The following PHACTR2 variants were observed in gnomAD, a reference collection of about 807,000 sequenced individuals.
PHACTR2 encodes the protein chromosome 6 open reading frame 56.
In PHACTR2, 30 loss-of-function variants were observed where a neutral mutation model predicts 76.0. The observed-to-expected ratio is 0.39, with a 90% CI of 0.30 to 0.54. The LOEUF is 0.54. Ranked by LOEUF, PHACTR2 falls within the 20% of genes least tolerant of loss-of-function variation. The pLI is 0.61. For missense variants in PHACTR2, 696 were observed against 781.1 expected (o/e 0.89, Z 1.30); for synonymous variants, 292 against 292.5 (o/e 1.00, Z 0.02).
chr6:143,723,545 C>T (rs1195118899), intron 2 of PHACTR2, among the ~76,000 whole-genome samples: 3 of 152,310 alleles, frequency 2.0e-5, no homozygotes, highest in African/African-American at 7.2e-5. Context: ...ATGAATCCTC[C>T]TTGTCATCCA....
rs917388613 is a variant in PHACTR2 at position 143,782,938 on chromosome 6, TACA to T, written c.1646-276_1646-274del. 1.5e-4 allele frequency among the ~76,000 whole-genome samples: 23 copies of T among 151,580 alleles called. No homozygotes were observed. The highest frequency in any genetic ancestry group is 5.3e-4 in the African/African-American group (22 of 41,260). On this transcript the variant is annotated intron_variant, in intron 9 of 12. Coordinates refer to ENST00000440869, the MANE Select transcript of PHACTR2 (RefSeq NM_001100164.2). The surrounding 1 kb of genome is among the most constrained non-coding windows in gnomAD (Gnocchi z 4.6). ...GGCACTCCTGTGGTTTTTTTAAGAA[TACA>T]ACAAGACATCAGGAAGCAAAAACGT...
At position 143,695,995 on chromosome 6, in the gene PHACTR2, C is replaced by A. The variant is rs941739761; in HGVS notation, c.47-16021C>A. On this transcript the variant is annotated intron_variant, in intron 1 of 12. Transcript: ENST00000440869. This position sits in a 1 kb window ranked among gnomAD's most constrained non-coding sequence, Gnocchi z 4.4. Reference sequence around the variant, plus strand: ...TGTATTAATCAAGTAAGCAACTGGCCTTTTCTATAAAATAGTTTTATGTTT... The same window carrying A: ...TGTATTAATCAAGTAAGCAACTGGCATTTTCTATAAAATAGTTTTATGTTT... Among the ~76,000 whole-genome samples, 2 of 152,174 alleles carry A rather than the reference C, an allele frequency of 1.3e-5. No homozygotes were observed. The highest frequency in any genetic ancestry group is 4.8e-5 in the African/African-American group (2 of 41,448).
rs948256754 is a variant in PHACTR2, at chr6:143,774,271, A to G, written c.1589+56A>G. 9 of 1,421,590 alleles carry G rather than the reference A, an allele frequency of 6.3e-6. No individual in the cohort carries two copies. Among genetic ancestry groups the G allele is most frequent in the African/African-American group, 4.2e-5 (3 of 70,820 alleles). The allele number at this position is 1,421,590 out of a possible 1,614,324, so 88.1% of individuals were successfully genotyped here. On this transcript the variant is annotated intron_variant, in intron 8 of 12. Transcript: ENST00000440869. This position sits in a 1 kb window ranked among gnomAD's most constrained non-coding sequence, Gnocchi z 5.4. Reference sequence around the variant, plus strand: ...CTAATTTGTATTTTTCTCCCTCCCAAAGCTTCCTACCTAACTGGGGTCATT... The same window carrying G: ...CTAATTTGTATTTTTCTCCCTCCCAGAGCTTCCTACCTAACTGGGGTCATT...
intron 2 of PHACTR2, among the ~76,000 whole-genome samples, chr6:143,720,800 A>G (rs922153475): frequency 1.3e-5 from 2 of 151,986 alleles, no homozygotes; most frequent in African/African-American, 4.8e-5. Flanking sequence ...ATTTGTGGAG[A>G]CGAGATCTCG....
In PHACTR2 at chr6:143,806,569, C is replaced by T. The variant is rs1776070581; in HGVS notation, c.1846-488C>T. Among the ~76,000 whole-genome samples the T allele has an allele frequency of 6.6e-6, 1 of 152,118 alleles. No homozygotes were observed. Among genetic ancestry groups the T allele is most frequent in the African/African-American group, 2.4e-5 (1 of 41,430 alleles). On this transcript the variant is annotated intron_variant, in intron 11 of 12. Transcript: ENST00000440869. The surrounding 1 kb of genome is among the most constrained non-coding windows in gnomAD (Gnocchi z 5.8). ...CTCAAGGATGAGTTTAGCAAAGGCC[C>T]GCTCCCACTCCCTCTTGCCAATGGC...
rs1350092607 is a variant in PHACTR2, at chr6:143,774,445, T to C, written c.1589+230T>C. 2.6e-5 allele frequency among the ~76,000 whole-genome samples: 4 copies of C among 152,220 alleles called. No homozygotes were observed. Among genetic ancestry groups the C allele is most frequent in the Non-Finnish European group, 5.9e-5 (4 of 68,042 alleles). On this transcript the variant is annotated intron_variant, in intron 8 of 12. Transcript: ENST00000440869. The surrounding 1 kb of genome is among the most constrained non-coding windows in gnomAD (Gnocchi z 5.4). ...CCTATTCCAGGAGTCAAAAACTTTTTTTTAAAGACCAGTTGGCAAACATTT... is the reference window on the plus strand; with the variant it reads ...CCTATTCCAGGAGTCAAAAACTTTTCTTTAAAGACCAGTTGGCAAACATTT...
rs1775434386 is a variant in PHACTR2, at chr6:143,570,478, G to A, written c.217+33271G>A. 1.3e-5 allele frequency among the ~76,000 whole-genome samples: 2 copies of A among 152,154 alleles called. No homozygotes were observed. The highest frequency in any genetic ancestry group is 2.1e-4 in the South Asian group (1 of 4,822). ...ATTATTGTTTTTGGGGGGTGACATC[G>A]ACTGCATTTCAAATACAGCCATGAA... is the stretch of plus-strand genomic sequence containing the variant. On this transcript the variant is annotated intron_variant, in intron 1 of 11. Coordinates refer to the PHACTR2 transcript ENST00000367584. The surrounding 1 kb of genome is among the most constrained non-coding windows in gnomAD (Gnocchi z 4.6).
At chr6:143,713,300 G>A (rs1778223865) in intron 2 of PHACTR2, among the ~76,000 whole-genome samples, 1 of 152,124 alleles carries the variant, frequency 6.6e-6, no homozygotes, top group East Asian at 1.9e-4. Flanking sequence ...TAGGCTACCT[G>A]GAATTTGTTT....
chr6:143,707,777 G>A (rs1778087003), intron 1 of PHACTR2, among the ~76,000 whole-genome samples: 1 of 152,166 alleles, frequency 6.6e-6, no homozygotes, highest in Non-Finnish European at 1.5e-5. Context: ...GGTAATTTAT[G>A]TAGAAAAGAG....
chr6:143,798,387 T>A (rs940257501), intron 11 of PHACTR2, among the ~76,000 whole-genome samples: 3 of 152,206 alleles, frequency 2.0e-5, no homozygotes, highest in African/African-American at 7.2e-5. Flanking sequence ...GAATACCTTT[T>A]ATTGCTTTCT....
At chr6:143,718,697 G>A (rs913914528) in intron 2 of PHACTR2, among the ~76,000 whole-genome samples, 2 of 152,122 alleles carry the variant, frequency 1.3e-5, no homozygotes, top group African/African-American at 4.8e-5. Flanking sequence ...ATATTCTCTT[G>A]TAACCATAGA....
rs571442827 is a variant in PHACTR2 at position 143,619,840 on chromosome 6, C to A, written c.13+11518C>A. Among the ~76,000 whole-genome samples, 11 of 152,166 alleles carry A rather than the reference C, an allele frequency of 7.2e-5. No individual in the cohort carries two copies. The East Asian group carries it at 1.4e-3, about 19-fold the overall frequency. On this transcript the variant is annotated intron_variant, in intron 1 of 11. Coordinates refer to the PHACTR2 transcript ENST00000305766. This position sits in a 1 kb window ranked among gnomAD's most constrained non-coding sequence, Gnocchi z 4.5. Reference sequence around the variant, plus strand: ...TATAGCCAGTCCCAAACTTTGACAGCGGTCAGTATGGTATAAAGAGTGAAA... The same window carrying A: ...TATAGCCAGTCCCAAACTTTGACAGAGGTCAGTATGGTATAAAGAGTGAAA...
intron 11 of PHACTR2, among the ~76,000 whole-genome samples, chr6:143,798,720 A>C (rs1316212827): frequency 6.6e-6 from 1 of 152,222 alleles, no homozygotes; most frequent in Non-Finnish European, 1.5e-5. Context: ...CCAGCCTTGC[A>C]TTGCAGGGAT....
upstream of PHACTR2, among the ~76,000 whole-genome samples, chr6:143,673,911 GA>G (rs1467245606): frequency 6.6e-6 from 1 of 151,984 alleles, no homozygotes; most frequent in Non-Finnish European, 1.5e-5. Flanking sequence ...TAAATCACAT[GA>G]AAATATGAGA....
At chr6:143,707,102 T>C (rs557690337) in intron 1 of PHACTR2, among the ~76,000 whole-genome samples, 3 of 152,286 alleles carry the variant, frequency 2.0e-5, no homozygotes, top group Admixed American at 6.5e-5. Context: ...AGAATTATAA[T>C]GGAAATACAA....
intron 1 of PHACTR2, among the ~76,000 whole-genome samples, chr6:143,660,498 G>A (rs979100758): frequency 3.2e-4 from 48 of 152,262 alleles, no homozygotes; most frequent in Admixed American, 2.4e-3. Context: ...CACAACATAC[G>A]GGAATTGGAG....
chr6:143,786,288 A>G (rs1353798429), intron 10 of PHACTR2, among the ~76,000 whole-genome samples: 6 of 152,358 alleles, frequency 3.9e-5, no homozygotes, highest in South Asian at 2.1e-4. Flanking sequence ...TTGCTAAAAC[A>G]TAATAAGAGT....
chr6:143,772,103 T>G lies in PHACTR2; in HGVS notation c.1233-155T>G, dbSNP rs1177165594. ...AAATGTAAAACCTTGAGAATTAAGGTTTCATTTCAGTGACTTTAGCCTGGC... is the reference window on the plus strand; with the variant it reads ...AAATGTAAAACCTTGAGAATTAAGGGTTCATTTCAGTGACTTTAGCCTGGC... On this transcript the variant is annotated intron_variant, in intron 6 of 12. Transcript: ENST00000440869. The surrounding 1 kb of genome is among the most constrained non-coding windows in gnomAD (Gnocchi z 5.4). Among the ~76,000 whole-genome samples the G allele has an allele frequency of 6.6e-6, 1 of 152,182 alleles. No homozygotes were observed. The highest frequency in any genetic ancestry group is 1.5e-5 in the Non-Finnish European group (1 of 68,032).
chr6:143,663,046 C>CT lies in PHACTR2; in HGVS notation c.14-48963dup, dbSNP rs1472512072. Among the ~76,000 whole-genome samples the CT allele has an allele frequency of 6.6e-6, 1 of 152,112 alleles. No individual in the cohort carries two copies. The highest frequency in any genetic ancestry group is 1.5e-5 in the Non-Finnish European group (1 of 68,006). ...TTGCTGCAAAGGACATTATTTCATTCTTTTTTTATGGCTGTATAATATTCC... is the reference window on the plus strand; with the variant it reads ...TTGCTGCAAAGGACATTATTTCATTCTTTTTTTTATGGCTGTATAATATTCC... On this transcript the variant is annotated intron_variant, in intron 1 of 11. Transcript: ENST00000305766. The surrounding 1 kb of genome is among the most constrained non-coding windows in gnomAD (Gnocchi z 4.1).
Sources: gnomAD v4.1 joint callset for allele counts (sites outside exome capture counted in the v4.1 genomes callset) on GRCh38, gnomAD v4.1.1 for gene constraint, Gnocchi (gnomAD v3.1) non-coding constraint, MANE v1.5 for transcripts, NCBI Gene and HGNC (gene_info 2026-07-23, HGNC 2026-07-21) for gene names.